Variants in NECTIN2 observed in about 807,000 individuals in gnomAD.
NECTIN2 encodes the protein nectin-2.
In NECTIN2, 23 loss-of-function variants were observed where a neutral mutation model predicts 56.9. The ratio of observed to expected loss-of-function variants is 0.40; its 90% confidence interval spans 0.29 to 0.57. The LOEUF (loss-of-function observed/expected upper bound fraction) is 0.57, where lower values mean the gene tolerates loss of function less well. Ranked by LOEUF, NECTIN2 falls within the 20% of genes least tolerant of loss-of-function variation. The pLI, the probability that NECTIN2 is intolerant of heterozygous loss-of-function variation, is 0.38. For synonymous variants in NECTIN2, 302 were observed against 313.8 expected (o/e 0.96, Z 0.40); for missense variants, 587 against 718.3 (o/e 0.82, Z 2.09).
chr19:44,879,599 C>A (rs1969285819), intron 5 of NECTIN2, among the ~76,000 whole-genome samples: 1 of 152,098 alleles, frequency 6.6e-6, no homozygotes, highest in Non-Finnish European at 1.5e-5. Context: ...GGCGGCAGCT[C>A]CCTCCAGCTC....
intron 5 of NECTIN2, among the ~76,000 whole-genome samples, chr19:44,879,421 AG>A (rs1432684393): frequency 1.3e-5 from 2 of 151,800 alleles, no homozygotes; most frequent in African/African-American, 2.4e-5. Flanking sequence ...GGGTCTCGGG[AG>A]GGGAGGGCTG....
chr19:44,862,799 G>A (rs1969048453), intron 1 of NECTIN2, among the ~76,000 whole-genome samples: 1 of 151,518 alleles, frequency 6.6e-6, no homozygotes, highest in Admixed American at 6.6e-5. Flanking sequence ...TGGATCACGA[G>A]GTCAGGCGTT....
At chr19:44,883,566 C>T (rs980210810) in intron 6 of NECTIN2, among the ~76,000 whole-genome samples, 2 of 152,222 alleles carry the variant, frequency 1.3e-5, no homozygotes, top group Non-Finnish European at 2.9e-5. Context: ...TGAGCCACTG[C>T]GCCCAGCCAA....
chr19:44,864,012 T>TCCC (rs1555786362), intron 1 of NECTIN2, among the ~76,000 whole-genome samples: 2,257 of 146,548 alleles, frequency 0.015, 50 homozygotes, highest in African/African-American at 0.054. Context: ...TTCAGAGGAT[T>TCCC]CCCCCCCCCC....
In NECTIN2 at chr19:44,874,524, C is replaced by T. The variant is rs1417585191; in HGVS notation, c.1042+46C>T. The stretch of plus-strand genomic sequence containing the variant: ...GTGTGTGGAGACCTGGGTCCGCTCC[C>T]CTGGAGTTCTGCCCTTCAGGACTTG... On this transcript the variant is annotated intron_variant, in intron 5 of 8. Transcript: ENST00000252483. The surrounding 1 kb of genome is among the most constrained non-coding windows in gnomAD (Gnocchi z 6.3). The T allele has an allele frequency of 6.2e-7, 1 of 1,604,762 alleles. No homozygotes were observed. Among genetic ancestry groups the T allele is most frequent in the Non-Finnish European group, 8.5e-7 (1 of 1,178,628 alleles).
chr19:44,886,215 A>G lies in NECTIN2; in HGVS notation c.1343A>G (p.Glu448Gly), dbSNP rs562259475. The G allele has an allele frequency of 1.5e-5, 24 of 1,609,854 alleles. No individual in the cohort carries two copies. The South Asian group carries it at 2.5e-4, about 17-fold the overall frequency. ...TTTGATGCTGGCGCCTCATGCACTGAGCAGGTAGGAGCTCATGGGAAGACA... is the reference window on the plus strand; with the variant it reads ...TTTGATGCTGGCGCCTCATGCACTGGGCAGGTAGGAGCTCATGGGAAGACA... Reference protein sequence around the residue: ...PYFDAGASCTEQEMPRYHELP... With the variant: ...PYFDAGASCTGQEMPRYHELP... Residue 448 changes from glutamate to glycine, a missense_variant, in exon 8 of 9, where the codon GAG becomes GGG. By Grantham distance (98) the Glu-to-Gly change is moderately conservative (BLOSUM62 -2). Coordinates refer to ENST00000252483, the MANE Select transcript of NECTIN2 (RefSeq NM_001042724.2).
intron 5 of NECTIN2, among the ~76,000 whole-genome samples, chr19:44,881,392 A>G (rs1036765018): frequency 6.6e-6 from 1 of 152,098 alleles, no homozygotes; most frequent in Admixed American, 6.6e-5. Flanking sequence ...GTTCTTTAAA[A>G]ACAATACAAG....
chr19:44,854,921 C>A (rs1338890066), intron 1 of NECTIN2, among the ~76,000 whole-genome samples: 2 of 151,322 alleles, frequency 1.3e-5, no homozygotes, highest in Admixed American at 6.6e-5. Context: ...GTCAGGAGAT[C>A]GAGACCATCC....
Position 44,888,300 on chromosome 19 carries a change from A to G in NECTIN2, c.1538A>G (p.Tyr513Cys). The change falls in exon 9 of 9, where the codon TAT (tyrosine) becomes TGT (cysteine). Residue 513 changes from tyrosine (Y) to cysteine (C), a missense_variant. By Grantham distance (194) the Tyr-to-Cys change is radical. Coordinates refer to ENST00000252483, the MANE Select transcript of NECTIN2 (RefSeq NM_001042724.2). ...TATCTGGACAAGATCAACCCCATCT[A>G]TGATGCTCTGTCCTATAGCAGCCCC... ...EEYLDKINPIYDALSYSSPSD... is the reference protein window; with the variant it reads ...EEYLDKINPICDALSYSSPSD... 1.2e-6 allele frequency: 2 copies of G among 1,613,984 alleles called. No homozygotes were observed. Among genetic ancestry groups the G allele is most frequent in the Non-Finnish European group, 1.7e-6 (2 of 1,179,926 alleles).
intron 1 of NECTIN2, among the ~76,000 whole-genome samples, chr19:44,857,689 A>G (rs1251428272): frequency 2.0e-5 from 3 of 148,720 alleles, no homozygotes; most frequent in Admixed American, 6.7e-5. Flanking sequence ...GGCGTGAGCC[A>G]TCGTGCCGGG....
At chr19:44,852,090 C>G (rs1968906250) in intron 1 of NECTIN2, among the ~76,000 whole-genome samples, 1 of 152,130 alleles carries the variant, frequency 6.6e-6, no homozygotes, top group South Asian at 2.1e-4. Flanking sequence ...GACCCCTGCC[C>G]CACTGAGGGC....
At chr19:44,885,910 C>A (rs1969355267) in intron 6 of NECTIN2, 27 bp from the exon 7 acceptor site, 1 of 1,533,408 alleles carries the variant, frequency 6.5e-7, no homozygotes, top group African/African-American at 1.4e-5. Context: ...GTCTTAATCT[C>A]CACTTGTCCT....
At position 44,871,978 on chromosome 19, in the gene NECTIN2, T is replaced by A; in HGVS notation, c.604T>A (p.Trp202Arg). 1.9e-6 allele frequency: 3 copies of A among 1,614,158 alleles called. No individual in the cohort carries two copies. Among genetic ancestry groups the A allele is most frequent in the Non-Finnish European group, 2.5e-6 (3 of 1,180,018 alleles). ...GATCTCCTGGCTCTCATCCCTGGAC[T>A]GGGAAGCCAAAGAGACTCAGGTGTC... is the stretch of plus-strand genomic sequence containing the variant. ...ARISWLSSLDWEAKETQVSGT... is the reference protein window; with the variant it reads ...ARISWLSSLDREAKETQVSGT... Residue 202 changes from tryptophan to arginine, a missense_variant, in exon 3 of 9, where the codon TGG (tryptophan) becomes AGG (arginine). Coordinates refer to ENST00000252483, the MANE Select transcript of NECTIN2 (RefSeq NM_001042724.2).
intron 1 of NECTIN2, among the ~76,000 whole-genome samples, chr19:44,847,891 C>G (rs1466430753): frequency 6.6e-6 from 1 of 152,068 alleles, no homozygotes; most frequent in African/African-American, 2.4e-5. Context: ...CCCTGGCGTC[C>G]TTCCATCCAC....
intron 1 of NECTIN2, among the ~76,000 whole-genome samples, chr19:44,861,050 G>A (rs1031143567): frequency 1.3e-5 from 2 of 151,582 alleles, no homozygotes; most frequent in Non-Finnish European, 2.9e-5. Flanking sequence ...ATGAAAAAAT[G>A]CTCAACATCA....
In NECTIN2 at chr19:44,853,868, ACAGGT is replaced by A. The variant is rs568028167; in HGVS notation, c.88+7256_88+7260del. On this transcript the variant is annotated intron_variant, in intron 1 of 8. Coordinates refer to ENST00000252483, the MANE Select transcript of NECTIN2 (RefSeq NM_001042724.2). ...AATCTCTCTTGCAGATACTGAGGGTACAGGTTGTGAGCAAAACAGACAGAAGATCC... is the reference window on the plus strand; with the variant it reads ...AATCTCTCTTGCAGATACTGAGGGTATGTGAGCAAAACAGACAGAAGATCC... 1.3e-3 allele frequency among the ~76,000 whole-genome samples: 192 copies of A among 152,336 alleles called. 1 individual carries two copies. The highest frequency in any genetic ancestry group is 3.9e-3 in the African/African-American group (162 of 41,590).
chr19:44,875,072 G>T lies in NECTIN2; in HGVS notation c.1042+594G>T, dbSNP rs1969221102. Among the ~76,000 whole-genome samples, 1 of 152,136 alleles carries T rather than the reference G, an allele frequency of 6.6e-6. No individual in the cohort carries two copies. The highest frequency in any genetic ancestry group is 1.5e-5 in the Non-Finnish European group (1 of 68,014). ...AGAGACCCCTCCTGTCAGAGCCACA[G>T]CTGGCAGGATCCACAGCCACAGACA... On this transcript the variant is annotated intron_variant, in intron 5 of 8. Coordinates refer to ENST00000252483, the MANE Select transcript of NECTIN2 (RefSeq NM_001042724.2). This position sits in a 1 kb window ranked among gnomAD's most constrained non-coding sequence, Gnocchi z 4.2.
At position 44,871,912 on chromosome 19, in the gene NECTIN2, G is replaced by A; in HGVS notation, c.538G>A (p.Val180Met). Reference protein sequence around the residue: ...KVTFSQDPTTVALCISKEGRP... With the variant: ...KVTFSQDPTTMALCISKEGRP... ...CACGTTCAGCCAGGACCCTACGACA[G>A]TGGCCCTCTGCATCTCCAAAGAGGG... The change falls in exon 3 of 9, where the codon GTG becomes ATG. Residue 180 changes from valine to methionine, a missense_variant. Coordinates refer to ENST00000252483, the MANE Select transcript of NECTIN2 (RefSeq NM_001042724.2). The A allele has an allele frequency of 6.2e-7, 1 of 1,614,196 alleles. No individual in the cohort carries two copies. Among genetic ancestry groups the A allele is most frequent in the Admixed American group, 1.7e-5 (1 of 60,018 alleles).
chr19:44,883,708 T>C (rs1969331954), intron 6 of NECTIN2, among the ~76,000 whole-genome samples: 1 of 152,156 alleles, frequency 6.6e-6, no homozygotes, highest in African/African-American at 2.4e-5. Flanking sequence ...ACACCTGTGG[T>C]CCAGCTCCTC....
Sources: allele counts gnomAD v4.1 joint callset (sites outside exome capture counted in the v4.1 genomes callset), GRCh38; gene constraint gnomAD v4.1.1; non-coding constraint Gnocchi (gnomAD v3.1); transcripts MANE v1.5; gene names NCBI Gene and HGNC (gene_info 2026-07-23, HGNC 2026-07-21).